RIMS2: variants seen among roughly 807,000 people sequenced by gnomAD.
RIMS2 encodes regulating synaptic membrane exocytosis protein 2.
A neutral mutation model predicts 174.4 loss-of-function variants in RIMS2; 59 were observed. The observed-to-expected ratio is 0.34, with a 90% confidence interval of 0.27 to 0.42. The LOEUF (loss-of-function observed/expected upper bound fraction) is 0.42. RIMS2 is among the 10% of genes least tolerant of loss of function. The pLI is 1.00. For missense variants in RIMS2, 1,620 were observed against 1,666.3 expected (o/e 0.97, Z 0.48); for synonymous variants, 606 against 572.5 (o/e 1.06, Z -0.84).
At chr8:103,832,276 T>C (rs1249728360) in intron 3 of RIMS2, among the ~76,000 whole-genome samples, 1 of 152,194 alleles carries the variant, frequency 6.6e-6, no homozygotes, top group Non-Finnish European at 1.5e-5. Flanking sequence ...TTAATATAAT[T>C]ATTGATATAT....
At chr8:103,926,940 A>G (rs2078893998) in intron 10 of RIMS2, among the ~76,000 whole-genome samples, 1 of 151,432 alleles carries the variant, frequency 6.6e-6, no homozygotes, top group Admixed American at 6.6e-5. Context: ...ACTGGGTTAT[A>G]TTTTCTGTCT....
At chr8:103,744,613 A>T (rs1307434640) in intron 2 of RIMS2, among the ~76,000 whole-genome samples, 1 of 152,204 alleles carries the variant, frequency 6.6e-6, no homozygotes, top group Non-Finnish European at 1.5e-5. Context: ...TCCAAATGGT[A>T]CCTGCAAATG....
intron 3 of RIMS2, among the ~76,000 whole-genome samples, chr8:103,781,439 A>G (rs2098387148): frequency 6.6e-6 from 1 of 152,230 alleles, no homozygotes; most frequent in Non-Finnish European, 1.5e-5. Flanking sequence ...GAACTGGAAC[A>G]AAAGTATATA....
At chr8:103,578,121 G>A (rs916586461) in intron 1 of RIMS2, among the ~76,000 whole-genome samples, 1 of 152,120 alleles carries the variant, frequency 6.6e-6, no homozygotes, top group African/African-American at 2.4e-5. Flanking sequence ...GGTGCAGGAA[G>A]GTCAGAGAAC....
chr8:103,518,544 AAG>A (rs1468789460), intron 1 of RIMS2, among the ~76,000 whole-genome samples: 1 of 151,940 alleles, frequency 6.6e-6, no homozygotes. Context: ...ATTTGGAAAA[AAG>A]AAAATATATT....
Position 104,171,868 on chromosome 8 carries a change from A to T in RIMS2, c.3335-73048A>T, listed in dbSNP as rs566369384. ...GATAAGACTTTAATGTTTATTGTTTATTATAGCCTAATTTGATTCTCGGAT... is the reference window on the plus strand; with the variant it reads ...GATAAGACTTTAATGTTTATTGTTTTTTATAGCCTAATTTGATTCTCGGAT... On this transcript the variant is annotated intron_variant, in intron 19 of 23. Transcript: ENST00000504942. 7.6e-4 allele frequency among the ~76,000 whole-genome samples: 116 copies of T among 152,138 alleles called. 2 individuals carry two copies. In the South Asian group the frequency reaches 0.013, roughly 18 times the overall value.
chr8:104,003,521 C>T (rs1335415449), intron 17 of RIMS2, among the ~76,000 whole-genome samples: 1 of 151,692 alleles, frequency 6.6e-6, no homozygotes, highest in Non-Finnish European at 1.5e-5. Flanking sequence ...TCAAGCGATT[C>T]TCCTGCCTCA....
intron 14 of RIMS2, among the ~76,000 whole-genome samples, chr8:103,954,007 A>C (rs1162076839): frequency 6.6e-6 from 1 of 152,214 alleles, no homozygotes; most frequent in Non-Finnish European, 1.5e-5. Context: ...GAGACAAAGA[A>C]GGCCATTACA....
At chr8:103,557,990 A>G (rs1252860876) in intron 1 of RIMS2, among the ~76,000 whole-genome samples, 1 of 152,204 alleles carries the variant, frequency 6.6e-6, no homozygotes, top group Non-Finnish European at 1.5e-5. Context: ...GTTATCTCCA[A>G]AGTTCCTTCA....
intron 3 of RIMS2, among the ~76,000 whole-genome samples, chr8:103,838,978 C>T (rs1333840321): frequency 6.6e-6 from 1 of 152,050 alleles, no homozygotes; most frequent in Non-Finnish European, 1.5e-5. Context: ...GGCAAGAGAA[C>T]GGCGTGAACC....
chr8:104,145,321 G>C (rs753886969), intron 19 of RIMS2, among the ~76,000 whole-genome samples: 1 of 151,860 alleles, frequency 6.6e-6, no homozygotes, highest in Non-Finnish European at 1.5e-5. Flanking sequence ...GATCCCACTA[G>C]AAGTGTTGAA....
exon 22 of RIMS2, chr8:104,249,568 C>A: frequency 6.2e-7 from 1 of 1,604,722 alleles, no homozygotes; most frequent in East Asian, 2.2e-5. Context: ...GTTGTAAAAC[C>A]AGGTTCCAAG....
At chr8:103,565,686 A>G (rs2092265249) in intron 1 of RIMS2, among the ~76,000 whole-genome samples, 1 of 152,158 alleles carries the variant, frequency 6.6e-6, no homozygotes, top group Non-Finnish European at 1.5e-5. Flanking sequence ...CTGAAGGTGA[A>G]GGCCAAGAAT....
At chr8:103,992,924 G>T (rs187767549) in intron 17 of RIMS2, among the ~76,000 whole-genome samples, 71 of 152,172 alleles carry the variant, frequency 4.7e-4, no homozygotes, top group African/African-American at 1.7e-3. Flanking sequence ...TTTTTCCTGA[G>T]GCAGACTATG....
chr8:104,095,809 A>G (rs2097753426), intron 19 of RIMS2, among the ~76,000 whole-genome samples: 1 of 152,100 alleles, frequency 6.6e-6, no homozygotes, highest in Non-Finnish European at 1.5e-5. Flanking sequence ...CCAATCTAAA[A>G]TTGTGCTTTT....
At chr8:103,805,799 T>A (rs2098646232) in intron 3 of RIMS2, among the ~76,000 whole-genome samples, 1 of 152,068 alleles carries the variant, frequency 6.6e-6, no homozygotes, top group East Asian at 1.9e-4. Context: ...TCCTATTGAG[T>A]TTTCTGTATA....
At chr8:103,695,127 T>C (rs900139488) in intron 1 of RIMS2, among the ~76,000 whole-genome samples, 1 of 152,202 alleles carries the variant, frequency 6.6e-6, no homozygotes, top group African/African-American at 2.4e-5. Context: ...TTGTCTGTGG[T>C]TGGGGAGGGA....
intron 3 of RIMS2, among the ~76,000 whole-genome samples, chr8:103,790,408 C>T (rs376197688): frequency 1.3e-5 from 2 of 152,252 alleles, no homozygotes; most frequent in East Asian, 1.9e-4. Flanking sequence ...TTTCAAAGTT[C>T]ATTGATTATA....
intron 1 of RIMS2, among the ~76,000 whole-genome samples, chr8:103,668,338 A>C (rs190431993): frequency 1.3e-5 from 2 of 152,330 alleles, no homozygotes; most frequent in East Asian, 3.9e-4. Context: ...TTTTCCAGGA[A>C]TGTCCCATGA....
Sources: allele counts gnomAD v4.1 joint callset (sites outside exome capture counted in the v4.1 genomes callset), GRCh38; gene constraint gnomAD v4.1.1; transcripts MANE v1.5; gene names NCBI Gene and HGNC (gene_info 2026-07-23, HGNC 2026-07-21).